Variants in JHY observed in about 807,000 individuals in gnomAD.
The protein encoded by JHY is junctional cadherin complex regulator.
JHY carries 69 observed loss-of-function variants against 78.0 expected under a neutral mutation model. The observed-to-expected ratio is 0.88, with a 90% CI of 0.73 to 1.08. The LOEUF (loss-of-function observed/expected upper bound fraction) is 1.08. JHY is among the 50% of genes least tolerant of loss of function. The pLI is 0.00. For missense variants in JHY, 944 were observed against 927.8 expected (o/e 1.02, Z -0.23); for synonymous variants, 368 against 342.6 (o/e 1.07, Z -0.82).
At chr11:122,953,793 ATACTTTAATGT>A (rs1864142051) in intron 6 of JHY, among the ~76,000 whole-genome samples, 1 of 152,200 alleles carries the variant, frequency 6.6e-6, no homozygotes, top group Admixed American at 6.6e-5. Context: ...TGTCTTCTGC[ATACTTTAATGT>A]TACTAATTTT....
At chr11:122,948,794 T>C (rs1864022037) in intron 6 of JHY, among the ~76,000 whole-genome samples, 1 of 151,842 alleles carries the variant, frequency 6.6e-6, no homozygotes, top group South Asian at 2.1e-4. Flanking sequence ...CAAAGAAGAC[T>C]GCAAGAGCAG....
chr11:122,885,640 G>T, intron 1 of JHY, 121 bp from the exon 2 acceptor site: 1 of 533,166 alleles, frequency 1.9e-6, no homozygotes, highest in Non-Finnish European at 3.3e-6. Flanking sequence ...ACACAAAAGG[G>T]TGCATACAAA....
intron 5 of JHY, among the ~76,000 whole-genome samples, chr11:122,940,280 G>A (rs539945455): frequency 6.6e-6 from 1 of 152,268 alleles, no homozygotes; most frequent in East Asian, 1.9e-4. Context: ...AGAGGTTGCA[G>A]TGAGCTGAGA....
At chr11:122,915,607 G>T (rs1320029646) in intron 3 of JHY, among the ~76,000 whole-genome samples, 1 of 152,130 alleles carries the variant, frequency 6.6e-6, no homozygotes, top group Non-Finnish European at 1.5e-5. Context: ...CTGCCTCCTG[G>T]GTTCAAGCGA....
chr11:122,885,637 AG>A (rs1862478748), intron 1 of JHY, 123 bp from the exon 2 acceptor site: 3 of 522,200 alleles, frequency 5.7e-6, no homozygotes, highest in Middle Eastern at 1.0e-3. Flanking sequence ...TACACACAAA[AG>A]GGTGCATACA....
intron 2 of JHY, among the ~76,000 whole-genome samples, chr11:122,889,212 A>G (rs1398959139): frequency 6.6e-6 from 1 of 152,220 alleles, no homozygotes; most frequent in African/African-American, 2.4e-5. Context: ...ATCTTTTTAC[A>G]TGGTTTTAAC....
At chr11:122,954,883 GGACTAACATCCACA>G (rs1256012181) in intron 6 of JHY, among the ~76,000 whole-genome samples, 2 of 152,066 alleles carry the variant, frequency 1.3e-5, no homozygotes, top group Non-Finnish European at 2.9e-5. Context: ...ATATAGACAG[GGACTAACATCCACA>G]GTTAGGTACA....
chr11:122,916,372 A>G (rs1201978354), intron 3 of JHY, among the ~76,000 whole-genome samples: 1 of 152,212 alleles, frequency 6.6e-6, no homozygotes, highest in Non-Finnish European at 1.5e-5. Flanking sequence ...TGATAACTAT[A>G]TACCGTAATT....
rs1366031855 is a variant in JHY at position 122,883,262 on chromosome 11, C to G, written c.-90+290C>G. On this transcript the variant is annotated intron_variant, in intron 1 of 8. Transcript: ENST00000227349. This position sits in a 1 kb window ranked among gnomAD's most constrained non-coding sequence, Gnocchi z 4.4. ...CCCGCCGACTTGTCACTTCCTGGAC[C>G]TCCAAACGCCCCTTGTGACAGGCCT... is the stretch of plus-strand genomic sequence containing the variant. 2.0e-5 allele frequency among the ~76,000 whole-genome samples: 3 copies of G among 152,200 alleles called. No homozygotes were observed. The highest frequency in any genetic ancestry group is 4.4e-5 in the Non-Finnish European group (3 of 68,026).
intron 4 of JHY, among the ~76,000 whole-genome samples, chr11:122,927,421 T>A (rs1863531098): frequency 6.6e-6 from 1 of 152,200 alleles, no homozygotes; most frequent in Non-Finnish European, 1.5e-5. Context: ...GCCTAAGGGA[T>A]GTTTCCCATT....
At chr11:122,946,422 A>G (rs1863959843) in intron 5 of JHY, 76 bp from the exon 6 acceptor site, 1 of 1,437,030 alleles carries the variant, frequency 7.0e-7, no homozygotes, top group Non-Finnish European at 9.3e-7. Context: ...TTAATGGTTC[A>G]TAAAGACTTT....
At position 122,898,507 on chromosome 11, in the gene JHY, A is replaced by C. The variant is rs1404638080; in HGVS notation, c.345-5418A>C. Among the ~76,000 whole-genome samples the C allele has an allele frequency of 2.0e-5, 3 of 152,132 alleles. No individual in the cohort carries two copies. The East Asian group carries it at 5.8e-4, about 29-fold the overall frequency. ...CAAGGAAAAAAAACTGAAGACTCAC[A>C]ACAAACATTCCCTAGATCATCAAAC... On this transcript the variant is annotated intron_variant, in intron 2 of 8. Transcript: ENST00000227349. The surrounding 1 kb of genome is among the most constrained non-coding windows in gnomAD (Gnocchi z 4.4).
chr11:122,959,358 T>G lies in JHY; in HGVS notation c.2250T>G (p.Pro750=), dbSNP rs1591404595. The part of the protein sequence containing the change: ...PTYAGKEESL[P]EISLLEILQN... The stretch of plus-strand genomic sequence containing the variant: ...ATGCTGGGAAAGAAGAAAGTTTACC[T>G]GAAATCTCACTGCTGGAAATACTGC... The change falls in exon 9 of 9, where the codon CCT becomes CCG. Residue 750 remains proline (P), a synonymous_variant. Transcript: ENST00000227349. The G allele has an allele frequency of 6.2e-7, 1 of 1,614,140 alleles. No individual in the cohort carries two copies. Among genetic ancestry groups the G allele is most frequent in the Non-Finnish European group, 8.5e-7 (1 of 1,180,008 alleles).
At chr11:122,949,743 C>T (rs1864045576) in intron 6 of JHY, among the ~76,000 whole-genome samples, 1 of 152,112 alleles carries the variant, frequency 6.6e-6, no homozygotes, top group South Asian at 2.1e-4. Context: ...TCCGTGCCCA[C>T]GCTGTGGAAT....
intron 5 of JHY, 104 bp from the exon 6 acceptor site, chr11:122,946,394 A>G: frequency 8.3e-7 from 1 of 1,202,262 alleles, no homozygotes; most frequent in Non-Finnish European, 1.1e-6. Flanking sequence ...TTGATTTGAG[A>G]GTGATAAATA....
chr11:122,928,628 G>GT (rs547738051), intron 4 of JHY, among the ~76,000 whole-genome samples: 9 of 151,750 alleles, frequency 5.9e-5, no homozygotes, highest in Non-Finnish European at 8.8e-5. Context: ...AAGAAAGGTT[G>GT]TTTTTTGTAG....
At chr11:122,892,636 T>C (rs555559285) in intron 2 of JHY, among the ~76,000 whole-genome samples, 52 of 152,298 alleles carry the variant, frequency 3.4e-4, no homozygotes, top group Middle Eastern at 6.8e-3. Context: ...ATCTGCATTT[T>C]TATTGTTGTA....
intron 5 of JHY, among the ~76,000 whole-genome samples, chr11:122,944,601 T>C (rs184442633): frequency 1.9e-3 from 283 of 152,296 alleles, no homozygotes; most frequent in African/African-American, 6.3e-3. Context: ...GAGTTAATAC[T>C]GTATTATGAG....
intron 4 of JHY, among the ~76,000 whole-genome samples, chr11:122,926,187 C>CAAAAAAAAAAAAAAA (rs574945272): frequency 2.5e-5 from 1 of 40,064 alleles, no homozygotes; most frequent in Admixed American, 3.0e-4. Context: ...GACTCCATCT[C>CAAAAAAAAAAAAAAA]AAAAAAAAAA....
Sources: gnomAD v4.1 joint callset for allele counts (sites outside exome capture counted in the v4.1 genomes callset) on GRCh38, gnomAD v4.1.1 for gene constraint, Gnocchi (gnomAD v3.1) non-coding constraint, MANE v1.5 for transcripts, NCBI Gene and HGNC (gene_info 2026-07-23, HGNC 2026-07-21) for gene names.